Variants in ALK observed in about 807,000 individuals in gnomAD.
ALK encodes the protein ALK tyrosine kinase receptor.
ALK carries 74 observed loss-of-function variants against 163.1 expected under a neutral mutation model. The ratio of observed to expected loss-of-function variants is 0.45; its 90% CI spans 0.38 to 0.55. The LOEUF (loss-of-function observed/expected upper bound fraction) is 0.55. ALK is among the 20% of genes least tolerant of loss of function. ALK has a pLI of 0.00. For missense variants in ALK, 2,063 were observed against 2,105.3 expected (o/e 0.98, Z 0.39); for synonymous variants, 960 against 843.2 (o/e 1.14, Z -2.40).
At position 29,435,792 on chromosome 2, in the gene ALK, C is replaced by T. The variant is rs564398161; in HGVS notation, c.1155-51933G>A. Among the ~76,000 whole-genome samples the T allele has an allele frequency of 1.6e-3, 245 of 152,190 alleles. 2 individuals carry two copies. The highest frequency in any genetic ancestry group is 5.8e-3 in the African/African-American group (239 of 41,500). On this transcript the variant is annotated intron_variant, in intron 4 of 28. Coordinates refer to ENST00000389048, the MANE Select transcript of ALK (RefSeq NM_004304.5). ...ACCCTTAAAGAAGTAACAGTGGAGT[C>T]CATTTGGTCACCTTACCTCCCACTT...
intron 9 of ALK, among the ~76,000 whole-genome samples, chr2:29,287,286 T>C (rs1040777772): frequency 1.3e-5 from 2 of 152,134 alleles, no homozygotes; most frequent in Non-Finnish European, 2.9e-5. Context: ...TAGTCAAAAA[T>C]GAGCTCATAA....
intron 1 of ALK, among the ~76,000 whole-genome samples, chr2:29,746,973 C>G (rs1004449663): frequency 6.6e-6 from 1 of 152,198 alleles, no homozygotes; most frequent in Non-Finnish European, 1.5e-5. Flanking sequence ...CTATTCCTCA[C>G]AGAATCTCAA....
At chr2:29,557,977 C>T (rs1233754601) in intron 3 of ALK, among the ~76,000 whole-genome samples, 1 of 152,176 alleles carries the variant, frequency 6.6e-6, no homozygotes, top group Non-Finnish European at 1.5e-5. Flanking sequence ...AGATGAAAGG[C>T]TGTCTCTTTC....
intron 5 of ALK, among the ~76,000 whole-genome samples, chr2:29,362,586 T>C (rs1395585979): frequency 1.3e-5 from 2 of 152,178 alleles, no homozygotes; most frequent in Non-Finnish European, 2.9e-5. Flanking sequence ...GAGTAGAATG[T>C]CTGTGCTCTT....
At chr2:29,355,256 C>G (rs763102396) in intron 5 of ALK, among the ~76,000 whole-genome samples, 1 of 152,190 alleles carries the variant, frequency 6.6e-6, no homozygotes. Flanking sequence ...GTGAAGAAGG[C>G]ATGGTGGGCA....
At chr2:29,579,248 G>A (rs1355499720) in intron 3 of ALK, among the ~76,000 whole-genome samples, 1 of 152,164 alleles carries the variant, frequency 6.6e-6, no homozygotes, top group Non-Finnish European at 1.5e-5. Context: ...CTCACCTATG[G>A]ATGGTTTATG....
intron 1 of ALK, among the ~76,000 whole-genome samples, chr2:29,768,145 G>A (rs965264998): frequency 6.6e-5 from 10 of 152,190 alleles, no homozygotes; most frequent in African/African-American, 1.9e-4. Flanking sequence ...CTGTGGCCAC[G>A]TCGCTGGCTC....
chr2:29,497,447 GT>G (rs1672059407), intron 4 of ALK, among the ~76,000 whole-genome samples: 1 of 152,016 alleles, frequency 6.6e-6, no homozygotes, highest in Non-Finnish European at 1.5e-5. Context: ...CAGAACCTTG[GT>G]CTAGGTCAGC....
chr2:29,333,682 C>T (rs1667522277), intron 5 of ALK, among the ~76,000 whole-genome samples: 1 of 152,172 alleles, frequency 6.6e-6, no homozygotes, highest in South Asian at 2.1e-4. Flanking sequence ...ATGGCGCAAC[C>T]TTGGCTCGTC....
Position 29,214,100 on chromosome 2 carries a change from G to C in ALK, c.3646-19C>G, listed in dbSNP as rs368380756. 2 of 1,607,846 alleles carry C rather than the reference G, an allele frequency of 1.2e-6. No individual in the cohort carries two copies. The highest frequency in any genetic ancestry group is 1.7e-6 in the Non-Finnish European group (2 of 1,174,468). The stretch of plus-strand genomic sequence containing the variant: ...GCTGGCTCTGTGGGGAGACAGAAGC[G>C]GGCCACTGACGAGGAGCTTGTCAGT... On this transcript the variant is annotated intron_variant, in intron 23 of 28. Coordinates refer to ENST00000389048, the MANE Select transcript of ALK (RefSeq NM_004304.5).
chr2:29,318,912 G>A (rs995452988), intron 7 of ALK, among the ~76,000 whole-genome samples: 1 of 152,122 alleles, frequency 6.6e-6, no homozygotes, highest in East Asian at 1.9e-4. Flanking sequence ...ACCATCATCT[G>A]GGCTACCACA....
chr2:29,391,515 G>T (rs1669171783), intron 4 of ALK, among the ~76,000 whole-genome samples: 1 of 152,136 alleles, frequency 6.6e-6, no homozygotes, highest in Admixed American at 6.5e-5. Context: ...TGGCCAGGTT[G>T]GTCTTAAACT....
At chr2:29,473,115 T>C (rs951388471) in intron 4 of ALK, among the ~76,000 whole-genome samples, 1 of 152,206 alleles carries the variant, frequency 6.6e-6, no homozygotes, top group Admixed American at 6.5e-5. Context: ...TCAAGACATA[T>C]TATAAAGCTC....
At chr2:29,860,193 A>T (rs1042415844) in intron 1 of ALK, among the ~76,000 whole-genome samples, 8 of 152,184 alleles carry the variant, frequency 5.3e-5, no homozygotes, top group African/African-American at 1.9e-4. Flanking sequence ...ATTCTTAACG[A>T]TGGAACTTCT....
intron 3 of ALK, among the ~76,000 whole-genome samples, chr2:29,638,116 T>C (rs371725481): frequency 5.3e-5 from 8 of 152,320 alleles, no homozygotes; most frequent in African/African-American, 1.9e-4. Context: ...AAACTTGAGA[T>C]ACTTGGAGGG....
At chr2:29,241,843 G>C (rs983776571) in intron 12 of ALK, among the ~76,000 whole-genome samples, 3 of 152,138 alleles carry the variant, frequency 2.0e-5, no homozygotes, top group African/African-American at 7.2e-5. Flanking sequence ...CTGAGGCTCA[G>C]AGGGACTAAG....
At chr2:29,795,799 T>G (rs1572385678) in intron 1 of ALK, among the ~76,000 whole-genome samples, 1 of 152,192 alleles carries the variant, frequency 6.6e-6, no homozygotes, top group East Asian at 1.9e-4. Flanking sequence ...GTGGGTAGTA[T>G]TATGAACAAT....
At chr2:29,202,602 T>C (rs2148148172) in intron 26 of ALK, among the ~76,000 whole-genome samples, 1 of 152,396 alleles carries the variant, frequency 6.6e-6, no homozygotes, top group Non-Finnish European at 1.5e-5. Context: ...TACTGTGTTA[T>C]AGACATTTTT....
chr2:29,735,649 G>A (rs573186912), intron 1 of ALK, among the ~76,000 whole-genome samples: 8 of 152,124 alleles, frequency 5.3e-5, no homozygotes, highest in African/African-American at 1.9e-4. Context: ...GGGGCCCAGT[G>A]GGAGGTAATA....
Sources: allele counts gnomAD v4.1 joint callset (sites outside exome capture counted in the v4.1 genomes callset), GRCh38; gene constraint gnomAD v4.1.1; transcripts MANE v1.5; gene names NCBI Gene and HGNC (gene_info 2026-07-23, HGNC 2026-07-21).